TP63: variants seen among roughly 807,000 people sequenced by gnomAD.
TP63 encodes tumor protein p63.
Under a neutral mutation model 82.8 loss-of-function variants are expected in TP63, and 17 were observed. That is an observed-to-expected ratio of 0.21 (90% CI 0.14 to 0.31). The LOEUF is 0.31. Ranked by LOEUF, TP63 falls within the 10% of genes least tolerant of loss-of-function variation. The pLI is 1.00. For missense variants in TP63, 648 were observed against 895.3 expected (o/e 0.72, Z 3.52); for synonymous variants, 330 against 321.7 (o/e 1.03, Z -0.28).
At chr3:189,849,022 A>G (rs1160941291) in intron 4 of TP63, among the ~76,000 whole-genome samples, 3 of 152,346 alleles carry the variant, frequency 2.0e-5, no homozygotes, top group Non-Finnish European at 4.4e-5. Flanking sequence ...ACCACTTGCC[A>G]ATGGTTTAAT....
At chr3:189,771,043 T>G (rs1028660501) in intron 3 of TP63, among the ~76,000 whole-genome samples, 1 of 151,880 alleles carries the variant, frequency 6.6e-6, no homozygotes, top group East Asian at 1.9e-4. Context: ...TATCTCTGGA[T>G]TTTTGGCTTA....
intron 3 of TP63, among the ~76,000 whole-genome samples, chr3:189,740,372 A>C (rs985401752): frequency 6.6e-6 from 1 of 152,180 alleles, no homozygotes; most frequent in Non-Finnish European, 1.5e-5. Flanking sequence ...CTGTTATTGT[A>C]TTCTCTCCAG....
chr3:189,781,151 A>G (rs1724199772), intron 3 of TP63, among the ~76,000 whole-genome samples: 2 of 152,190 alleles, frequency 1.3e-5, no homozygotes, highest in African/African-American at 4.8e-5. Context: ...GCCTTGTAGC[A>G]AGTCACAGCA....
intron 4 of TP63, among the ~76,000 whole-genome samples, chr3:189,832,301 C>G (rs1712485898): frequency 6.6e-6 from 1 of 152,100 alleles, no homozygotes; most frequent in Non-Finnish European, 1.5e-5. Context: ...TAATCAACCC[C>G]AGGGACTGAC....
chr3:189,808,400 G>C lies in TP63; in HGVS notation c.453G>C (p.Gln151His). The change falls in exon 4 of 14, where the codon CAG (glutamine) becomes CAC (histidine). Residue 151 changes from glutamine (Q) to histidine (H), a missense_variant. Transcript: ENST00000264731. ...TCACGGCGCCCTCGCCCTACGCACAGCCCAGCTCCACCTTCGATGCTCTCT... is the reference window on the plus strand; with the variant it reads ...TCACGGCGCCCTCGCCCTACGCACACCCCAGCTCCACCTTCGATGCTCTCT... ...NSVTAPSPYAQPSSTFDALSP... is the reference protein window; with the variant it reads ...NSVTAPSPYAHPSSTFDALSP... The C allele has an allele frequency of 6.2e-7, 1 of 1,614,170 alleles. No homozygotes were observed. The highest frequency in any genetic ancestry group is 8.5e-7 in the Non-Finnish European group (1 of 1,180,032).
At chr3:189,743,839 T>A (rs1721175975) in intron 3 of TP63, among the ~76,000 whole-genome samples, 1 of 152,154 alleles carries the variant, frequency 6.6e-6, no homozygotes, top group Non-Finnish European at 1.5e-5. Context: ...CAAGGGTAAG[T>A]GGGAGACCCC....
At chr3:189,684,909 G>A (rs557165591) in intron 1 of TP63, among the ~76,000 whole-genome samples, 4 of 152,146 alleles carry the variant, frequency 2.6e-5, no homozygotes, top group African/African-American at 9.6e-5. Flanking sequence ...TGGGATTACA[G>A]GTGTGAACTA....
At chr3:189,707,240 T>G (rs1021530566) in intron 1 of TP63, among the ~76,000 whole-genome samples, 1 of 152,240 alleles carries the variant, frequency 6.6e-6, no homozygotes, top group Non-Finnish European at 1.5e-5. Flanking sequence ...TCTTGCTAAA[T>G]GCTTGCATAG....
chr3:189,870,537 G>T (rs1275905138), intron 9 of TP63, among the ~76,000 whole-genome samples: 3 of 152,096 alleles, frequency 2.0e-5, no homozygotes, highest in African/African-American at 7.2e-5. Flanking sequence ...GGGGCCAGAT[G>T]GGGGTGGGTA....
intron 1 of TP63, among the ~76,000 whole-genome samples, chr3:189,677,325 C>A: frequency 1.6e-5 from 1 of 61,456 alleles, no homozygotes; most frequent in African/African-American, 3.5e-5. Context: ...TATATACACA[C>A]ACATATTTAT....
At chr3:189,760,670 G>A (rs1722501304) in intron 3 of TP63, among the ~76,000 whole-genome samples, 1 of 152,168 alleles carries the variant, frequency 6.6e-6, no homozygotes, top group Admixed American at 6.5e-5. Flanking sequence ...TCTGGGGTCT[G>A]GAGAACACTG....
intron 3 of TP63, among the ~76,000 whole-genome samples, chr3:189,803,072 G>C (rs1485909157): frequency 6.6e-6 from 1 of 152,178 alleles, no homozygotes; most frequent in Non-Finnish European, 1.5e-5. Flanking sequence ...GCTGAGGCAG[G>C]TGGATCACCT....
intron 1 of TP63, among the ~76,000 whole-genome samples, chr3:189,644,719 C>T (rs1407271178): frequency 6.6e-6 from 1 of 152,096 alleles, no homozygotes; most frequent in African/African-American, 2.4e-5. Flanking sequence ...GTCCATATAT[C>T]ATTCTTATGC....
the TP63 span, among the ~76,000 whole-genome samples, chr3:189,596,820 C>T: frequency 6.6e-6 from 1 of 152,220 alleles, no homozygotes; most frequent in African/African-American, 2.4e-5. Flanking sequence ...CTTGCTACTG[C>T]TCACTCTTTG....
At chr3:189,753,996 A>G (rs1423457097) in intron 3 of TP63, among the ~76,000 whole-genome samples, 1 of 152,126 alleles carries the variant, frequency 6.6e-6, no homozygotes, top group Non-Finnish European at 1.5e-5. Flanking sequence ...GTACATTGAA[A>G]ACTTCATCAG....
chr3:189,753,037 A>G (rs1305683539), intron 3 of TP63, among the ~76,000 whole-genome samples: 2 of 152,072 alleles, frequency 1.3e-5, no homozygotes, highest in Non-Finnish European at 2.9e-5. Context: ...TTTTTAATTT[A>G]TTAAGGTTTG....
intron 1 of TP63, among the ~76,000 whole-genome samples, chr3:189,680,532 C>T (rs1047584990): frequency 6.6e-6 from 1 of 152,158 alleles, no homozygotes; most frequent in African/African-American, 2.4e-5. Flanking sequence ...TAAAAATTCT[C>T]AACAAAATAC....
intron 3 of TP63, among the ~76,000 whole-genome samples, chr3:189,771,380 CTATAT>C (rs1469956380): frequency 7.9e-6 from 1 of 126,578 alleles, no homozygotes; most frequent in Non-Finnish European, 1.6e-5. Flanking sequence ...TCAATATAGA[CTATAT>C]TATATATTAA....
chr3:189,597,349 CTT>C, the TP63 span, among the ~76,000 whole-genome samples: 1 of 152,160 alleles, frequency 6.6e-6, no homozygotes, highest in Non-Finnish European at 1.5e-5. Flanking sequence ...ATAAATATGA[CTT>C]AATATTAATA....
Sources: gnomAD v4.1 joint callset for allele counts (sites outside exome capture counted in the v4.1 genomes callset) on GRCh38, gnomAD v4.1.1 for gene constraint, MANE v1.5 for transcripts, NCBI Gene and HGNC (gene_info 2026-07-23, HGNC 2026-07-21) for gene names.